KLHL4: variants seen among roughly 807,000 people sequenced by gnomAD.
KLHL4 encodes the protein kelch like family member 4, also known as kelch-like protein 4.
In KLHL4, 17 loss-of-function variants were observed where a neutral mutation model predicts 45.8. The ratio of observed to expected loss-of-function variants is 0.37; its 90% CI spans 0.25 to 0.56. KLHL4 has a LOEUF of 0.56. Ranked by LOEUF, KLHL4 falls within the 20% of genes least tolerant of loss-of-function variation. KLHL4 has a pLI of 0.79. For synonymous variants in KLHL4, 224 were observed against 189.9 expected (o/e 1.18, Z -1.47); for missense variants, 544 against 544.9 (o/e 1.00, Z 0.02).
At chrX:87,605,145 A>G (rs1359507481) in intron 1 of KLHL4, among the ~76,000 whole-genome samples, 1 of 111,608 alleles carries the variant, frequency 9.0e-6, no homozygotes, top group Non-Finnish European at 1.9e-5. Flanking sequence ...TACCAATATC[A>G]TACTTTGTTG....
At chrX:87,655,236 G>GT (rs1367634261) in intron 9 of KLHL4, among the ~76,000 whole-genome samples, 1 of 111,684 alleles carries the variant, frequency 9.0e-6, no homozygotes, top group Non-Finnish European at 1.9e-5. Flanking sequence ...ATTTTCTTGT[G>GT]TTTCTTTGTT....
At chrX:87,560,530 C>A (rs1029408892) in intron 1 of KLHL4, among the ~76,000 whole-genome samples, 1 of 111,449 alleles carries the variant, frequency 9.0e-6, no homozygotes, top group East Asian at 2.9e-4. Context: ...CAACTTTAGG[C>A]ACGATGTTGT....
Position 87,622,317 on chromosome X carries a change from C to A in KLHL4, c.1031C>A (p.Thr344Asn). ...GACATTAATGTGCCTGATGAAGAGACCATTTTTCATGCTCTAATGCAGTGG... is the reference window on the plus strand; with the variant it reads ...GACATTAATGTGCCTGATGAAGAGAACATTTTTCATGCTCTAATGCAGTGG... ...SDDINVPDEE[T>N]IFHALMQWVG... Residue 344 changes from threonine to asparagine, a missense_variant, in exon 5 of 11, where the codon ACC (threonine) becomes AAC (asparagine). Coordinates refer to ENST00000373119, the MANE Select transcript of KLHL4 (RefSeq NM_019117.5). 1 of 1,204,608 alleles carries A rather than the reference C, an allele frequency of 8.3e-7. No individual in the cohort carries two copies. Among genetic ancestry groups the A allele is most frequent in the Non-Finnish European group, 1.1e-6 (1 of 889,338 alleles).
chrX:87,612,073 T>C (rs894401337), intron 1 of KLHL4, among the ~76,000 whole-genome samples: 1 of 111,821 alleles, frequency 8.9e-6, no homozygotes, highest in Non-Finnish European at 1.9e-5. Flanking sequence ...GTTTGTAAAG[T>C]AAAAAAAGTT....
chrX:87,604,474 C>T (rs765415449), intron 1 of KLHL4, among the ~76,000 whole-genome samples: 14 of 109,538 alleles, frequency 1.3e-4, no homozygotes, highest in Non-Finnish European at 2.5e-4. Flanking sequence ...TTCCAGCTGG[C>T]GTGAGATAGT....
chrX:87,640,659 T>C (rs1313253644), intron 9 of KLHL4, among the ~76,000 whole-genome samples: 1 of 111,497 alleles, frequency 9.0e-6, no homozygotes, highest in Non-Finnish European at 1.9e-5. Context: ...ATTAAAACCC[T>C]CAGCAAAATC....
chrX:87,633,965 C>T (rs1923182174), intron 8 of KLHL4, 54 bp downstream of exon 8: 1 of 995,575 alleles, frequency 1.0e-6, no homozygotes, highest in East Asian at 3.1e-5. Context: ...TAGTATAGAA[C>T]TTCGGTGACA....
chrX:87,528,390 C>T (rs1042858785), intron 1 of KLHL4, among the ~76,000 whole-genome samples: 6 of 109,747 alleles, frequency 5.5e-5, no homozygotes, highest in Admixed American at 1.9e-4. Flanking sequence ...ATGGGACTTA[C>T]GAGACACCAT....
In KLHL4 at chrX:87,557,621, T is replaced by C. The variant is rs374708836; in HGVS notation, c.422+39306T>C. Among the ~76,000 whole-genome samples, 404 of 111,810 alleles carry C rather than the reference T, an allele frequency of 3.6e-3. 6 individuals are homozygous for C. In the South Asian group the frequency reaches 0.052, roughly 14 times the overall value. On this transcript the variant is annotated intron_variant, in intron 1 of 10. Transcript: ENST00000373119. ...TACCAACCTAAAATGTTTATTATTT[T>C]TTTTGCTTCAATCTTCTGTTTTATT...
chrX:87,667,003 C>A lies in KLHL4; in HGVS notation c.*469C>A. 1.4e-6 allele frequency: 1 copy of A among 714,039 alleles called. No homozygotes were observed. Among genetic ancestry groups the A allele is most frequent in the Non-Finnish European group, 1.7e-6 (1 of 603,098 alleles). 58.8% of individuals were successfully genotyped at this position (714,039 alleles called of 1,213,427 possible). On this transcript the variant is annotated 3_prime_UTR_variant, in exon 11 of 11. Coordinates refer to ENST00000373119, the MANE Select transcript of KLHL4 (RefSeq NM_019117.5). ...TTAGAATAGTGTGATTTTTAGTAAG[C>A]CATTATTCTCCTATTCAAATAATAT... is the stretch of plus-strand genomic sequence containing the variant.
intron 9 of KLHL4, among the ~76,000 whole-genome samples, chrX:87,646,039 A>T (rs1923619077): frequency 9.0e-6 from 1 of 111,339 alleles, no homozygotes; most frequent in South Asian, 3.8e-4. Flanking sequence ...TTGTACTCCA[A>T]TAATTTATGG....
chrX:87,658,764 G>T (rs776662492), intron 9 of KLHL4, among the ~76,000 whole-genome samples: 1 of 110,740 alleles, frequency 9.0e-6, no homozygotes, highest in Admixed American at 9.6e-5. Context: ...CTACTTCCTC[G>T]TGAGTGAGGC....
chrX:87,524,172 C>A (rs1294939502), intron 1 of KLHL4, among the ~76,000 whole-genome samples: 1 of 109,956 alleles, frequency 9.1e-6, no homozygotes. Flanking sequence ...AAATTTACAC[C>A]ATTAGCGGAG....
intron 1 of KLHL4, among the ~76,000 whole-genome samples, chrX:87,529,958 G>A (rs1931211588): frequency 9.0e-6 from 1 of 111,482 alleles, no homozygotes; most frequent in Non-Finnish European, 1.9e-5. Context: ...ATTTCAGCAA[G>A]TACTATAATC....
chrX:87,595,019 CT>C (rs369058038), intron 1 of KLHL4, among the ~76,000 whole-genome samples: 20,706 of 100,878 alleles, frequency 0.21, 1,620 homozygotes, highest in South Asian at 0.25. Flanking sequence ...ACCCTTCTCT[CT>C]TTTTTTTTTT....
At chrX:87,526,646 A>T (rs908169929) in intron 1 of KLHL4, among the ~76,000 whole-genome samples, 2 of 112,019 alleles carry the variant, frequency 1.8e-5, no homozygotes, top group African/African-American at 6.5e-5. Context: ...ATAATTAATT[A>T]TAGGAAGAAC....
chrX:87,545,968 T>C (rs1931671643), intron 1 of KLHL4, among the ~76,000 whole-genome samples: 1 of 111,565 alleles, frequency 9.0e-6, no homozygotes, highest in South Asian at 3.8e-4. Flanking sequence ...AGAGAGATGA[T>C]CTGAAATCGG....
In KLHL4 at chrX:87,668,950, G is replaced by A; in HGVS notation, c.*2416G>A. The A allele has an allele frequency of 1.3e-6, 1 of 761,470 alleles. No homozygotes were observed. Among genetic ancestry groups the A allele is most frequent in the Non-Finnish European group, 1.6e-6 (1 of 644,188 alleles). 62.8% of individuals were successfully genotyped at this position (761,470 alleles called of 1,213,427 possible). ...ACTAAGACAATGCCCTAGATGAGCTGCCAAAATCTGAGCAGATATGAGCCA... is the reference window on the plus strand; with the variant it reads ...ACTAAGACAATGCCCTAGATGAGCTACCAAAATCTGAGCAGATATGAGCCA... On this transcript the variant is annotated 3_prime_UTR_variant, in exon 11 of 11. Transcript: ENST00000373119.
intron 1 of KLHL4, among the ~76,000 whole-genome samples, chrX:87,549,718 C>T (rs757795747): frequency 1.7e-4 from 19 of 110,556 alleles, no homozygotes; most frequent in African/African-American, 5.9e-4. Context: ...AAGAAATTGA[C>T]AAAAACAATA....
Sources: gnomAD v4.1 joint callset for allele counts (sites outside exome capture counted in the v4.1 genomes callset) on GRCh38, gnomAD v4.1.1 for gene constraint, MANE v1.5 for transcripts, NCBI Gene and HGNC (gene_info 2026-07-23, HGNC 2026-07-21) for gene names.